Variants in EFNA5 observed in about 807,000 individuals in gnomAD.
EFNA5 encodes the protein ephrin A5.
EFNA5 carries 5 observed loss-of-function variants against 22.9 expected under a neutral mutation model. The ratio of observed to expected loss-of-function variants is 0.22; its 90% CI spans 0.11 to 0.46. The LOEUF is 0.46. Among genes scored for constraint, EFNA5 ranks in the 20% least tolerant of loss-of-function variants. The pLI, the probability that EFNA5 is intolerant of heterozygous loss-of-function variation, is 0.99. For missense variants in EFNA5, 237 were observed against 293.3 expected, an observed-to-expected ratio of 0.81 and a Z score of 1.40; for synonymous variants, 113 against 112.2, an observed-to-expected ratio of 1.01 and a Z score of -0.04.
intron 1 of EFNA5, among the ~76,000 whole-genome samples, chr5:107,610,241 G>C (rs1388091328): frequency 6.6e-6 from 1 of 152,180 alleles, no homozygotes; most frequent in Non-Finnish European, 1.5e-5. Flanking sequence ...CATCTATAAA[G>C]AATTCAGAGT....
At chr5:107,579,207 G>A (rs1402799313) in intron 1 of EFNA5, among the ~76,000 whole-genome samples, 1 of 152,144 alleles carries the variant, frequency 6.6e-6, no homozygotes. Flanking sequence ...TCATGATGCA[G>A]AAGAAAGACC....
At chr5:107,663,670 A>C (rs1751011952) in intron 1 of EFNA5, among the ~76,000 whole-genome samples, 2 of 152,144 alleles carry the variant, frequency 1.3e-5, no homozygotes, top group Admixed American at 1.3e-4. Context: ...AAAAGTAAAA[A>C]TCATAGGAAC....
At chr5:107,510,087 G>C (rs1272707213) in intron 1 of EFNA5, among the ~76,000 whole-genome samples, 1 of 152,172 alleles carries the variant, frequency 6.6e-6, no homozygotes, top group African/African-American at 2.4e-5. Context: ...GTCAACACAA[G>C]GTACAGGTCA....
intron 1 of EFNA5, among the ~76,000 whole-genome samples, chr5:107,454,599 G>T (rs1013857265): frequency 6.6e-6 from 1 of 151,980 alleles, no homozygotes; most frequent in Admixed American, 6.6e-5. Flanking sequence ...TAAACTTCCT[G>T]AAGTTATTAA....
chr5:107,632,305 T>A (rs559950835), intron 1 of EFNA5, among the ~76,000 whole-genome samples: 9 of 152,176 alleles, frequency 5.9e-5, no homozygotes, highest in Non-Finnish European at 1.2e-4. Flanking sequence ...CAACATATTT[T>A]ATTTGTAAAT....
intron 1 of EFNA5, among the ~76,000 whole-genome samples, chr5:107,605,630 C>T (rs559843894): frequency 5.9e-5 from 9 of 151,350 alleles, no homozygotes; most frequent in Non-Finnish European, 1.0e-4. Flanking sequence ...TGGTTCATTG[C>T]CAGCACCTTT....
chr5:107,617,138 C>T (rs1223913559), intron 1 of EFNA5, among the ~76,000 whole-genome samples: 1 of 151,678 alleles, frequency 6.6e-6, no homozygotes, highest in Non-Finnish European at 1.5e-5. Flanking sequence ...GATACCGCTA[C>T]TCTTATCCTA....
intron 1 of EFNA5, among the ~76,000 whole-genome samples, chr5:107,556,790 A>AAAAT (rs1554066400): frequency 0.079 from 11,143 of 140,560 alleles, 687 homozygotes; most frequent in African/African-American, 0.12. Flanking sequence ...ATAAATAAAT[A>AAAAT]AAATAAAATA....
chr5:107,618,418 C>T (rs1434774054), intron 1 of EFNA5, among the ~76,000 whole-genome samples: 21 of 152,196 alleles, frequency 1.4e-4, no homozygotes, highest in Admixed American at 1.4e-3. Context: ...AGTGATTCAG[C>T]TTCCGCATGT....
At chr5:107,399,776 C>T (rs1748036620) in intron 2 of EFNA5, among the ~76,000 whole-genome samples, 1 of 152,166 alleles carries the variant, frequency 6.6e-6, no homozygotes, top group Non-Finnish European at 1.5e-5. Context: ...TTAAAAGAGG[C>T]ATTTTTTAAA....
chr5:107,635,887 C>G (rs1750362881), intron 1 of EFNA5, among the ~76,000 whole-genome samples: 1 of 152,164 alleles, frequency 6.6e-6, no homozygotes, highest in Non-Finnish European at 1.5e-5. Flanking sequence ...CTAGTTCACC[C>G]AGATTGTGGG....
intron 1 of EFNA5, among the ~76,000 whole-genome samples, chr5:107,500,429 G>C (rs1747106658): frequency 6.6e-6 from 1 of 152,156 alleles, no homozygotes; most frequent in Non-Finnish European, 1.5e-5. Flanking sequence ...GCCAGGGTAA[G>C]CCTAGTCCCA....
intron 1 of EFNA5, among the ~76,000 whole-genome samples, chr5:107,670,030 TAAAAAA>T (rs67814628): frequency 4.2e-4 from 49 of 116,692 alleles, no homozygotes; most frequent in African/African-American, 1.4e-3. Context: ...AAATTAAAAT[TAAAAAA>T]AAAAAAAAAA....
At chr5:107,453,102 T>C in intron 1 of EFNA5, among the ~76,000 whole-genome samples, 1 of 152,136 alleles carries the variant, frequency 6.6e-6, no homozygotes, top group Middle Eastern at 3.2e-3. Flanking sequence ...AACAATACAC[T>C]ATTTAACTGG....
At chr5:107,498,268 A>G (rs1747039869) in intron 1 of EFNA5, among the ~76,000 whole-genome samples, 1 of 152,244 alleles carries the variant, frequency 6.6e-6, no homozygotes, top group Non-Finnish European at 1.5e-5. Context: ...ATATAAGAGC[A>G]TTTAACTTAC....
At chr5:107,555,374 T>C (rs865819053) in intron 1 of EFNA5, among the ~76,000 whole-genome samples, 4 of 152,232 alleles carry the variant, frequency 2.6e-5, no homozygotes, top group African/African-American at 9.6e-5. Flanking sequence ...TTTTTAGTGC[T>C]TTTGTGTCCA....
chr5:107,504,102 G>T (rs25977), intron 1 of EFNA5, among the ~76,000 whole-genome samples: 59,500 of 151,830 alleles, frequency 0.39, 12,127 homozygotes, highest in East Asian at 0.6. Context: ...TATTTTCTTC[G>T]AGCATTTTGT....
chr5:107,431,912 T>A lies in EFNA5; in HGVS notation c.126-4403A>T, dbSNP rs138052651. ...ACATTCAGAGAGGGCATTGTCCAAC[T>A]TTTTATAGCTAATAAATAGCAGAGT... On this transcript the variant is annotated intron_variant, in intron 1 of 4. Coordinates refer to ENST00000333274, the MANE Select transcript of EFNA5 (RefSeq NM_001962.3). Among the ~76,000 whole-genome samples the A allele has an allele frequency of 2.0e-3, 299 of 152,322 alleles. 1 individual carries two copies. Among genetic ancestry groups the A allele is most frequent in the African/African-American group, 6.5e-3 (270 of 41,576 alleles).
At chr5:107,587,630 C>A (rs949334852) in intron 1 of EFNA5, among the ~76,000 whole-genome samples, 3 of 152,156 alleles carry the variant, frequency 2.0e-5, no homozygotes, top group African/African-American at 7.2e-5. Flanking sequence ...CATTCTCCTG[C>A]CTCAGCCTCC....
Sources: gnomAD v4.1 joint callset for allele counts (sites outside exome capture counted in the v4.1 genomes callset) on GRCh38, gnomAD v4.1.1 for gene constraint, MANE v1.5 for transcripts, NCBI Gene and HGNC (gene_info 2026-07-23, HGNC 2026-07-21) for gene names.